GALNT13: variants seen among roughly 807,000 people sequenced by gnomAD.
GALNT13 encodes the protein polypeptide N-acetylgalactosaminyltransferase 13.
Under a neutral mutation model 64.2 loss-of-function variants are expected in GALNT13, and 28 were observed. The ratio of observed to expected loss-of-function variants is 0.44; its 90% CI spans 0.32 to 0.60. GALNT13 has a LOEUF of 0.60. Ranked by LOEUF, GALNT13 falls within the 20% of genes least tolerant of loss-of-function variation. The probability of loss-of-function intolerance (pLI) is 0.05; values close to 1 mark genes in which losing one functional copy is unlikely to be tolerated. For missense variants in GALNT13, 577 were observed against 669.8 expected (o/e 0.86, Z 1.53); for synonymous variants, 214 against 224.6 (o/e 0.95, Z 0.42).
At chr2:153,891,326 C>T (rs572622801) in intron 1 of GALNT13, among the ~76,000 whole-genome samples, 9 of 152,104 alleles carry the variant, frequency 5.9e-5, no homozygotes, top group African/African-American at 2.2e-4. Flanking sequence ...GTTGAAACTG[C>T]CTTTCTACTT....
the GALNT13 span, among the ~76,000 whole-genome samples, chr2:153,836,514 TA>T: frequency 6.6e-6 from 1 of 151,726 alleles, no homozygotes; most frequent in African/African-American, 2.4e-5. Flanking sequence ...TTTTTTTTTT[TA>T]TATTTATTAT....
chr2:153,462,130 A>T, the GALNT13 span, among the ~76,000 whole-genome samples: 4 of 151,786 alleles, frequency 2.6e-5, no homozygotes, highest in Non-Finnish European at 5.9e-5. Flanking sequence ...AGAAGCTTGT[A>T]TGTTACAGTG....
At chr2:153,649,285 C>G in the GALNT13 span, among the ~76,000 whole-genome samples, 128 of 152,164 alleles carry the variant, frequency 8.4e-4, no homozygotes, top group African/African-American at 2.7e-3. Context: ...ATGGTAGTTT[C>G]TATTTCTGTG....
chr2:153,623,972 A>G, the GALNT13 span, among the ~76,000 whole-genome samples: 1 of 152,068 alleles, frequency 6.6e-6, no homozygotes, highest in African/African-American at 2.4e-5. Flanking sequence ...TTGTTTAGAA[A>G]AGCACCTTCT....
chr2:153,423,228 C>G, the GALNT13 span, among the ~76,000 whole-genome samples: 61 of 151,886 alleles, frequency 4.0e-4, no homozygotes, highest in East Asian at 0.011. Flanking sequence ...GATAAATTAA[C>G]ATGTAATTTA....
intron 11 of GALNT13, among the ~76,000 whole-genome samples, chr2:154,426,866 T>C (rs1346683136): frequency 6.6e-6 from 1 of 152,188 alleles, no homozygotes; most frequent in Non-Finnish European, 1.5e-5. Context: ...CTAGGGAATT[T>C]CAAAGACAAA....
chr2:153,735,059 G>C, the GALNT13 span, among the ~76,000 whole-genome samples: 1 of 152,038 alleles, frequency 6.6e-6, no homozygotes, highest in Non-Finnish European at 1.5e-5. Context: ...TATTACCTAG[G>C]ACAAAACATA....
chr2:153,251,072 A>G, the GALNT13 span, among the ~76,000 whole-genome samples: 3 of 152,084 alleles, frequency 2.0e-5, no homozygotes, highest in Non-Finnish European at 4.4e-5. Flanking sequence ...TTATTACTCA[A>G]TCTTTTAGAT....
chr2:154,035,406 A>G (rs1043185272), intron 3 of GALNT13, among the ~76,000 whole-genome samples: 3 of 152,018 alleles, frequency 2.0e-5, no homozygotes, highest in Non-Finnish European at 4.4e-5. Flanking sequence ...TTAACCCCGG[A>G]AGTAAGTTAT....
chr2:153,451,663 A>G, the GALNT13 span, among the ~76,000 whole-genome samples: 1 of 152,224 alleles, frequency 6.6e-6, no homozygotes, highest in Non-Finnish European at 1.5e-5. Context: ...AGTGTACTGT[A>G]TGTTTTTGTT....
chr2:153,832,097 T>C, the GALNT13 span, among the ~76,000 whole-genome samples: 1 of 152,154 alleles, frequency 6.6e-6, no homozygotes, highest in Admixed American at 6.5e-5. Flanking sequence ...GAGATGTTTG[T>C]AGCTATGTTA....
At chr2:153,688,248 C>A in the GALNT13 span, among the ~76,000 whole-genome samples, 2 of 151,842 alleles carry the variant, frequency 1.3e-5, no homozygotes, top group African/African-American at 2.4e-5. Context: ...ACCTACAAAA[C>A]CTAAAATATT....
At chr2:154,019,491 G>T (rs1240591446) in intron 3 of GALNT13, among the ~76,000 whole-genome samples, 5 of 151,538 alleles carry the variant, frequency 3.3e-5, no homozygotes, top group Admixed American at 3.3e-4. Context: ...AAAATTAGCT[G>T]GGTGTGGTGA....
chr2:154,232,279 T>C (rs1559039031), intron 4 of GALNT13, among the ~76,000 whole-genome samples: 1 of 152,144 alleles, frequency 6.6e-6, no homozygotes, highest in Non-Finnish European at 1.5e-5. Flanking sequence ...TTACAGCCTC[T>C]AAAGTTAATA....
intron 11 of GALNT13, among the ~76,000 whole-genome samples, chr2:154,429,309 C>A (rs115075940): frequency 6.0e-4 from 92 of 152,176 alleles, no homozygotes; most frequent in African/African-American, 2.2e-3. Flanking sequence ...AGGAAAAATT[C>A]TTGAAGGAAA....
At chr2:153,140,289 C>G in the GALNT13 span, among the ~76,000 whole-genome samples, 1 of 151,988 alleles carries the variant, frequency 6.6e-6, no homozygotes, top group East Asian at 1.9e-4. Context: ...GATAAGTTAA[C>G]TGGCCTGGAA....
chr2:153,249,676 G>T, the GALNT13 span, among the ~76,000 whole-genome samples: 1 of 152,028 alleles, frequency 6.6e-6, no homozygotes, highest in Admixed American at 6.6e-5. Flanking sequence ...TACCAAAACA[G>T]ATATATAGAC....
intron 2 of GALNT13, among the ~76,000 whole-genome samples, chr2:153,925,327 T>C (rs775708683): frequency 6.6e-6 from 1 of 152,102 alleles, no homozygotes; most frequent in Non-Finnish European, 1.5e-5. Flanking sequence ...CCCCATTGCT[T>C]GTTTTTTTCA....
chr2:153,779,525 C>T, the GALNT13 span, among the ~76,000 whole-genome samples: 1 of 152,132 alleles, frequency 6.6e-6, no homozygotes, highest in African/African-American at 2.4e-5. Context: ...TGTAAACTCT[C>T]TTTTAACTTC....
Sources: allele counts gnomAD v4.1 joint callset (sites outside exome capture counted in the v4.1 genomes callset), GRCh38; gene constraint gnomAD v4.1.1; transcripts MANE v1.5; gene names NCBI Gene and HGNC (gene_info 2026-07-23, HGNC 2026-07-21).